Variants in PTPN14 observed in about 807,000 individuals in gnomAD.
PTPN14 encodes the protein tyrosine-protein phosphatase non-receptor type 14.
Under a neutral mutation model 126.8 loss-of-function variants are expected in PTPN14, and 53 were observed. That is an observed-to-expected ratio of 0.42 (90% CI 0.34 to 0.53). The LOEUF (loss-of-function observed/expected upper bound fraction) is 0.53, where lower values mean the gene tolerates loss of function less well. Ranked by LOEUF, PTPN14 falls within the 20% of genes least tolerant of loss-of-function variation. PTPN14 has a pLI of 0.08. For missense variants in PTPN14, 1,257 were observed against 1,552.9 expected, an observed-to-expected ratio of 0.81 and a Z score of 3.20; for synonymous variants, 630 against 599.3, an observed-to-expected ratio of 1.05 and a Z score of -0.75.
intron 13 of PTPN14, among the ~76,000 whole-genome samples, chr1:214,378,603 G>A (rs112607737): frequency 3.3e-5 from 5 of 152,254 alleles, no homozygotes; most frequent in African/African-American, 1.2e-4. Flanking sequence ...CTAAGTTTCC[G>A]TCCTGAGGGG....
chr1:214,486,516 G>A (rs1249541743), intron 1 of PTPN14, among the ~76,000 whole-genome samples: 3 of 152,174 alleles, frequency 2.0e-5, no homozygotes, highest in African/African-American at 7.2e-5. Context: ...CCTGCTGACA[G>A]TGTTGTATAA....
intron 1 of PTPN14, chr1:214,533,362 T>C: frequency 2.1e-6 from 1 of 475,336 alleles, no homozygotes; most frequent in South Asian, 1.8e-5. Context: ...TCAATCTTGG[T>C]GATGGACAGC....
intron 3 of PTPN14, among the ~76,000 whole-genome samples, chr1:214,428,757 T>C (rs929770419): frequency 5.9e-5 from 9 of 152,108 alleles, no homozygotes; most frequent in Admixed American, 2.0e-4. Context: ...TTTGGCAAAA[T>C]CTCTGGAAGG....
Position 214,351,516 on chromosome 1 carries a change from G to A in PTPN14, c.*6406C>T, listed in dbSNP as rs1245135471. Reference sequence around the variant, plus strand: ...CCTCTGCAGCACCTCTGAGATCACAGGGGAGAAGAATCAAGAAATCCAAGA... The same window carrying A: ...CCTCTGCAGCACCTCTGAGATCACAAGGGAGAAGAATCAAGAAATCCAAGA... On this transcript the variant is annotated 3_prime_UTR_variant, in exon 19 of 19. Coordinates refer to ENST00000366956, the MANE Select transcript of PTPN14 (RefSeq NM_005401.5). 1 of 152,242 alleles carries A rather than the reference G, an allele frequency of 6.6e-6. No homozygotes were observed. The highest frequency in any genetic ancestry group is 1.5e-5 in the Non-Finnish European group (1 of 68,078). The allele number at this position is 152,242 out of a possible 1,614,324, so 9.4% of individuals were successfully genotyped here.
chr1:214,378,208 C>A, intron 13 of PTPN14, 106 bp from the exon 14 acceptor site: 1 of 1,373,528 alleles, frequency 7.3e-7, no homozygotes, highest in Non-Finnish European at 9.8e-7. Context: ...GGAATGCAGA[C>A]AATCACCATC....
Position 214,376,321 on chromosome 1 carries a change from C to T in PTPN14, c.2805G>A (p.Glu935=), listed in dbSNP as rs2102527075. Residue 935 remains glutamate (E), a synonymous_variant, in exon 15 of 19, where the codon GAG becomes GAA. Transcript: ENST00000366956. ...FSTAALPENA[E]RSRIREVVPY... is the part of the protein sequence containing the mutation. ...GGACAACTTCACGGATTCGGCTGCG[C>T]TCGGCGTTTTCTGGCAGAGCTGCTG... 1 of 1,614,180 alleles carries T rather than the reference C, an allele frequency of 6.2e-7. No individual in the cohort carries two copies. Among genetic ancestry groups the T allele is most frequent in the South Asian group, 1.1e-5 (1 of 91,082 alleles).
At chr1:214,379,093 CTAAAAT>C (rs1558075862) in intron 13 of PTPN14, among the ~76,000 whole-genome samples, 1 of 152,166 alleles carries the variant, frequency 6.6e-6, no homozygotes, top group Non-Finnish European at 1.5e-5. Context: ...AGGGCCTTTC[CTAAAAT>C]TAAGTGTGTC....
At chr1:214,409,572 ATATATACCCAGAAGTGAGACTGCTGGAT>A (rs1174871459) in intron 5 of PTPN14, among the ~76,000 whole-genome samples, 26 of 152,198 alleles carry the variant, frequency 1.7e-4, no homozygotes, top group African/African-American at 5.8e-4. Flanking sequence ...TTTTCTTTAG[ATATATACCCAGAAGTGAGACTGCTGGAT>A]TATATGGTAG....
intron 1 of PTPN14, among the ~76,000 whole-genome samples, chr1:214,502,535 T>G (rs1040578020): frequency 3.3e-5 from 5 of 152,216 alleles, no homozygotes; most frequent in African/African-American, 1.2e-4. Flanking sequence ...TTTATTTATT[T>G]ATTTTTAGAG....
intron 2 of PTPN14, among the ~76,000 whole-genome samples, chr1:214,453,963 A>G (rs1199452430): frequency 1.3e-5 from 2 of 152,182 alleles, no homozygotes. Flanking sequence ...GCTAACCTTA[A>G]CATGAAGTCA....
chr1:214,529,951 A>G (rs1655498147), intron 1 of PTPN14: 1 of 152,322 alleles, frequency 6.6e-6, no homozygotes, highest in African/African-American at 2.4e-5. Context: ...CATATGTTTT[A>G]AAAAGCTATT....
chr1:214,535,729 A>G (rs1378025533), intron 1 of PTPN14, among the ~76,000 whole-genome samples: 2 of 151,828 alleles, frequency 1.3e-5, no homozygotes, highest in African/African-American at 4.8e-5. Flanking sequence ...CAGTGAGCCA[A>G]GATCATGCCA....
intron 5 of PTPN14, among the ~76,000 whole-genome samples, chr1:214,404,636 G>A (rs749208330): frequency 2.7e-4 from 41 of 151,994 alleles, no homozygotes; most frequent in Non-Finnish European, 4.9e-4. Flanking sequence ...CAACTTAACC[G>A]CCTCCATCTG....
At chr1:214,483,199 C>G (rs542764020) in intron 1 of PTPN14, 1 of 1,608,614 alleles carries the variant, frequency 6.2e-7, no homozygotes, top group South Asian at 1.1e-5. Flanking sequence ...GTCTATAAAT[C>G]AGTTTGTTGT....
At chr1:214,479,341 CTTT>C (rs368916343) in intron 1 of PTPN14, among the ~76,000 whole-genome samples, 2 of 137,952 alleles carry the variant, frequency 1.4e-5, no homozygotes, top group Admixed American at 7.3e-5. Context: ...AAAACCCTGT[CTTT>C]TTTTTTTTTT....
chr1:214,546,171 A>G (rs1419016036), intron 1 of PTPN14, among the ~76,000 whole-genome samples: 6 of 152,162 alleles, frequency 3.9e-5, no homozygotes, highest in African/African-American at 7.2e-5. Context: ...GTCAGGACCA[A>G]GAGCATCACC....
At chr1:214,433,140 T>G (rs762461881) in intron 3 of PTPN14, among the ~76,000 whole-genome samples, 9 of 152,066 alleles carry the variant, frequency 5.9e-5, no homozygotes, top group South Asian at 2.1e-4. Flanking sequence ...CCTGACCTCA[T>G]GATCCATCCA....
intron 13 of PTPN14, among the ~76,000 whole-genome samples, chr1:214,382,311 C>G (rs1035293948): frequency 3.3e-5 from 5 of 151,980 alleles, no homozygotes; most frequent in Non-Finnish European, 7.4e-5. Flanking sequence ...TTAACTGTCT[C>G]CCCAAATTGT....
At chr1:214,435,948 G>A (rs1571998905) in intron 3 of PTPN14, among the ~76,000 whole-genome samples, 2 of 152,244 alleles carry the variant, frequency 1.3e-5, no homozygotes, top group South Asian at 2.1e-4. Flanking sequence ...GCACATGTAC[G>A]TTCACTGCAG....
Sources: gnomAD v4.1 joint callset for allele counts (sites outside exome capture counted in the v4.1 genomes callset) on GRCh38, gnomAD v4.1.1 for gene constraint, MANE v1.5 for transcripts, NCBI Gene and HGNC (gene_info 2026-07-23, HGNC 2026-07-21) for gene names.